DKK2: variants seen among roughly 807,000 people sequenced by gnomAD.
DKK2 encodes the protein dickkopf Wnt signaling pathway inhibitor 2.
A neutral mutation model predicts 28.1 loss-of-function variants in DKK2; 11 were observed. That is an observed-to-expected ratio of 0.39 (90% CI 0.25 to 0.65). The LOEUF (loss-of-function observed/expected upper bound fraction) is 0.65, where lower values mean the gene tolerates loss of function less well. Ranked by LOEUF, DKK2 falls within the 30% of genes least tolerant of loss-of-function variation. The pLI is 0.47. For missense variants in DKK2, 326 were observed against 335.5 expected, an observed-to-expected ratio of 0.97 and a Z score of 0.22; for synonymous variants, 135 against 126.5, an observed-to-expected ratio of 1.07 and a Z score of -0.45.
intron 1 of DKK2, among the ~76,000 whole-genome samples, chr4:106,975,096 T>C (rs1578364082): frequency 6.6e-6 from 1 of 152,210 alleles, no homozygotes; most frequent in Non-Finnish European, 1.5e-5. Flanking sequence ...TGAAGCCACC[T>C]TGATTGTGGT....
At chr4:106,945,125 G>T (rs1415855012) in intron 1 of DKK2, among the ~76,000 whole-genome samples, 2 of 152,002 alleles carry the variant, frequency 1.3e-5, no homozygotes, top group African/African-American at 4.8e-5. Context: ...ATCAAATTTT[G>T]CCCAGGATTT....
At chr4:106,954,866 G>T (rs1292481460) in intron 1 of DKK2, among the ~76,000 whole-genome samples, 1 of 152,174 alleles carries the variant, frequency 6.6e-6, no homozygotes, top group Non-Finnish European at 1.5e-5. Flanking sequence ...GTCTTTGGCA[G>T]TTCATGCTGT....
intron 1 of DKK2, among the ~76,000 whole-genome samples, chr4:106,948,740 G>A (rs1488264912): frequency 2.0e-5 from 3 of 152,176 alleles, no homozygotes; most frequent in Non-Finnish European, 4.4e-5. Flanking sequence ...CTGGCATATA[G>A]TAGTCATTAA....
rs76526623 is a variant in DKK2 at position 106,943,885 on chromosome 4, T to C, written c.223-17936A>G. On this transcript the variant is annotated intron_variant, in intron 1 of 3. Transcript: ENST00000285311. ...GGAAATTCTTCAAGCCTATGGCATGTGGGAGCTATGACAATAGGTGTTTCT... is the reference window on the plus strand; with the variant it reads ...GGAAATTCTTCAAGCCTATGGCATGCGGGAGCTATGACAATAGGTGTTTCT... Among the ~76,000 whole-genome samples, 339 of 152,210 alleles carry C rather than the reference T, an allele frequency of 2.2e-3. 1 individual carries two copies. The highest frequency in any genetic ancestry group is 4.2e-3 in the Non-Finnish European group (284 of 67,988).
At chr4:106,958,075 C>T (rs1722627549) in intron 1 of DKK2, among the ~76,000 whole-genome samples, 1 of 150,198 alleles carries the variant, frequency 6.7e-6, no homozygotes, top group African/African-American at 2.4e-5. Flanking sequence ...ACTTTTTTTG[C>T]AGTTTCTATG....
chr4:107,035,292 T>C, intron 1 of DKK2, 78 bp downstream of exon 1: 1 of 1,516,864 alleles, frequency 6.6e-7, no homozygotes, highest in Non-Finnish European at 9.1e-7. Context: ...TGTTGCAAGA[T>C]GCAATGGCAA....
chr4:106,967,928 TGGAA>T (rs1335110359), intron 1 of DKK2, among the ~76,000 whole-genome samples: 1 of 122,652 alleles, frequency 8.2e-6, no homozygotes, highest in Non-Finnish European at 1.7e-5. Context: ...GAGAGAGGGG[TGGAA>T]GGAAGGAAGA....
At chr4:106,985,886 AAAGGAGGGAGGAAAG>A (rs1001030801) in intron 1 of DKK2, among the ~76,000 whole-genome samples, 6 of 151,746 alleles carry the variant, frequency 4.0e-5, no homozygotes, top group African/African-American at 1.5e-4. Flanking sequence ...GGGAGAGAAG[AAAGGAGGGAGGAAAG>A]AAGGAGGGAC....
chr4:106,961,778 A>T (rs959553896), intron 1 of DKK2, among the ~76,000 whole-genome samples: 2 of 152,128 alleles, frequency 1.3e-5, no homozygotes, highest in Non-Finnish European at 2.9e-5. Flanking sequence ...CACCACTTCA[A>T]AACTGTTGAC....
chr4:106,941,377 A>G (rs1296637865), intron 1 of DKK2, among the ~76,000 whole-genome samples: 1 of 152,192 alleles, frequency 6.6e-6, no homozygotes, highest in Non-Finnish European at 1.5e-5. Context: ...TTGCTTGTCC[A>G]TTAGTAAGAG....
intron 1 of DKK2, among the ~76,000 whole-genome samples, chr4:106,993,547 A>C (rs76946049): frequency 0.022 from 3,329 of 152,170 alleles, 136 homozygotes; most frequent in African/African-American, 0.076. Flanking sequence ...GATTCCTCCA[A>C]GCTATTAGGG....
chr4:107,032,125 C>T (rs1053983120), intron 1 of DKK2, among the ~76,000 whole-genome samples: 1 of 151,932 alleles, frequency 6.6e-6, no homozygotes, highest in Admixed American at 6.6e-5. Context: ...TACTTATTAG[C>T]AATAGCTGCA....
At chr4:106,939,497 T>C (rs1370964859) in intron 1 of DKK2, among the ~76,000 whole-genome samples, 1 of 152,142 alleles carries the variant, frequency 6.6e-6, no homozygotes, top group Non-Finnish European at 1.5e-5. Flanking sequence ...TGCTCATGGG[T>C]AGGAAGAATC....
chr4:106,967,086 C>T (rs556060294), intron 1 of DKK2, among the ~76,000 whole-genome samples: 71 of 152,230 alleles, frequency 4.7e-4, no homozygotes, highest in African/African-American at 1.7e-3. Context: ...CAAAGTTCTT[C>T]AATAGATCAA....
chr4:106,956,209 C>A (rs1396737592), intron 1 of DKK2, among the ~76,000 whole-genome samples: 2 of 152,102 alleles, frequency 1.3e-5, no homozygotes, highest in African/African-American at 4.8e-5. Flanking sequence ...ACGTGAAGGA[C>A]CCCTTCAAGG....
chr4:106,987,869 T>C (rs1222510768), intron 1 of DKK2, among the ~76,000 whole-genome samples: 1 of 150,244 alleles, frequency 6.7e-6, no homozygotes, highest in Non-Finnish European at 1.5e-5. Context: ...CTCTCTTCTT[T>C]TTTTTTTTTT....
Position 106,923,733 on chromosome 4 carries a change from T to A in DKK2, c.*221A>T. The A allele has an allele frequency of 1.7e-6, 1 of 580,458 alleles. No individual in the cohort carries two copies. Among genetic ancestry groups the A allele is most frequent in the East Asian group, 3.1e-5 (1 of 31,888 alleles). The allele number at this position is 580,458 out of a possible 1,614,324, so 36.0% of individuals were successfully genotyped here. Reference sequence around the variant, plus strand: ...TCCACAAATGTGTACATTATTTACATAGACAAGTTGCATAATGGAAACACT... The same window carrying A: ...TCCACAAATGTGTACATTATTTACAAAGACAAGTTGCATAATGGAAACACT... On this transcript the variant is annotated 3_prime_UTR_variant, in exon 4 of 4. Transcript: ENST00000285311.
At chr4:106,989,203 A>C (rs1002479232) in intron 1 of DKK2, among the ~76,000 whole-genome samples, 2 of 152,332 alleles carry the variant, frequency 1.3e-5, no homozygotes, top group South Asian at 2.1e-4. Flanking sequence ...GAAAGTTTTA[A>C]AATCAGTATC....
intron 1 of DKK2, among the ~76,000 whole-genome samples, chr4:107,020,032 G>A (rs572666164): frequency 6.6e-6 from 1 of 152,108 alleles, no homozygotes; most frequent in Admixed American, 6.6e-5. Flanking sequence ...TGGTGAGGTT[G>A]AGCTACACTA....
Sources: allele counts gnomAD v4.1 joint callset (sites outside exome capture counted in the v4.1 genomes callset), GRCh38; gene constraint gnomAD v4.1.1; transcripts MANE v1.5; gene names NCBI Gene and HGNC (gene_info 2026-07-23, HGNC 2026-07-21).